The following PDE4B variants were observed in gnomAD, a reference collection of about 807,000 sequenced individuals.
The protein encoded by PDE4B is phosphodiesterase 4B, also known as 3',5'-cyclic-AMP phosphodiesterase 4B.
A neutral mutation model predicts 82.2 loss-of-function variants in PDE4B; 20 were observed. That is an observed-to-expected ratio of 0.24 (90% CI 0.17 to 0.35). The LOEUF (loss-of-function observed/expected upper bound fraction) is 0.35. Among genes scored for constraint, PDE4B ranks in the 10% least tolerant of loss-of-function variants. The pLI, the probability that PDE4B is intolerant of heterozygous loss-of-function variation, is 1.00. For synonymous variants in PDE4B, 320 were observed against 318.9 expected, an observed-to-expected ratio of 1.00 and a Z score of -0.04; for missense variants, 655 against 907.2, an observed-to-expected ratio of 0.72 and a Z score of 3.57.
At chr1:65,818,733 C>G (rs898513191) in intron 1 of PDE4B, among the ~76,000 whole-genome samples, 3 of 148,308 alleles carry the variant, frequency 2.0e-5, no homozygotes, top group Non-Finnish European at 4.5e-5. Flanking sequence ...AATACATTGC[C>G]TTTTAAAATC....
intron 3 of PDE4B, among the ~76,000 whole-genome samples, chr1:65,954,187 G>A (rs1266893442): frequency 6.6e-6 from 1 of 152,112 alleles, no homozygotes; most frequent in Non-Finnish European, 1.5e-5. Flanking sequence ...GTGAGCCACT[G>A]TGCCTGGCCT....
intron 3 of PDE4B, among the ~76,000 whole-genome samples, chr1:66,233,901 G>A (rs4655829): frequency 0.16 from 23,634 of 151,974 alleles, 4,000 homozygotes; most frequent in African/African-American, 0.4. Context: ...CTCTTCATAT[G>A]TTATTAGATT....
At chr1:65,890,993 A>G (rs1301386900) in intron 1 of PDE4B, among the ~76,000 whole-genome samples, 1 of 152,100 alleles carries the variant, frequency 6.6e-6, no homozygotes, top group East Asian at 1.9e-4. Context: ...ACCTACCTGT[A>G]CTAAGCCTCA....
intron 3 of PDE4B, among the ~76,000 whole-genome samples, chr1:65,971,238 C>A (rs1221701686): frequency 6.6e-6 from 1 of 151,890 alleles, no homozygotes; most frequent in African/African-American, 2.4e-5. Flanking sequence ...AGATAGGTGA[C>A]TAATTTTTGT....
intron 3 of PDE4B, among the ~76,000 whole-genome samples, chr1:66,231,136 A>G (rs1030851742): frequency 2.0e-5 from 3 of 152,206 alleles, no homozygotes; most frequent in South Asian, 2.1e-4. Context: ...GATTCAGAAT[A>G]TAATTTTTTA....
chr1:65,907,347 A>G (rs1365836789), intron 1 of PDE4B, among the ~76,000 whole-genome samples: 1 of 151,806 alleles, frequency 6.6e-6, no homozygotes, highest in African/African-American at 2.4e-5. Flanking sequence ...GTTGTTTTTT[A>G]TAGTTTGTGT....
At chr1:66,117,806 A>G (rs779891093) in intron 3 of PDE4B, among the ~76,000 whole-genome samples, 4 of 152,156 alleles carry the variant, frequency 2.6e-5, no homozygotes, top group African/African-American at 4.8e-5. Context: ...TAAAAAGAGG[A>G]TGCATATGAA....
intron 3 of PDE4B, among the ~76,000 whole-genome samples, chr1:66,098,652 C>T (rs185782485): frequency 4.6e-5 from 7 of 152,138 alleles, no homozygotes; most frequent in Non-Finnish European, 1.0e-4. Context: ...CCAAGTAAAA[C>T]CCAGTTAGAA....
chr1:65,941,312 A>G (rs1229455292), intron 3 of PDE4B, among the ~76,000 whole-genome samples: 1 of 152,002 alleles, frequency 6.6e-6, no homozygotes, highest in African/African-American at 2.4e-5. Flanking sequence ...GCTCTCAGAA[A>G]CTCATAATCT....
chr1:65,878,723 G>A (rs572795939), intron 1 of PDE4B, among the ~76,000 whole-genome samples: 1 of 151,974 alleles, frequency 6.6e-6, no homozygotes. Flanking sequence ...ACACACCAGA[G>A]CCTGTTGGGG....
intron 6 of PDE4B, among the ~76,000 whole-genome samples, chr1:66,264,833 C>T (rs1052361287): frequency 3.3e-5 from 5 of 152,204 alleles, no homozygotes; most frequent in African/African-American, 7.2e-5. Context: ...AATTTGGCTT[C>T]GTTCTCACGC....
At chr1:66,057,211 C>T (rs1404268614) in intron 3 of PDE4B, among the ~76,000 whole-genome samples, 1 of 152,160 alleles carries the variant, frequency 6.6e-6, no homozygotes. Flanking sequence ...ACTTAGTATA[C>T]ACCAAGTGCT....
intron 3 of PDE4B, among the ~76,000 whole-genome samples, chr1:65,960,290 C>G (rs530516979): frequency 6.6e-6 from 1 of 151,742 alleles, no homozygotes; most frequent in African/African-American, 2.4e-5. Flanking sequence ...TCCAAGAAGC[C>G]CAAGGCACTA....
chr1:66,342,723 T>G (rs922777932), intron 8 of PDE4B, among the ~76,000 whole-genome samples: 2 of 127,760 alleles, frequency 1.6e-5, no homozygotes, highest in African/African-American at 6.2e-5. Flanking sequence ...AGAGTGAAAC[T>G]CCATCTCAAA....
At chr1:65,825,774 T>G (rs1317053176) in intron 1 of PDE4B, among the ~76,000 whole-genome samples, 1 of 151,412 alleles carries the variant, frequency 6.6e-6, no homozygotes, top group Non-Finnish European at 1.5e-5. Flanking sequence ...ATTCTCTTGG[T>G]GAGTTTTCTG....
chr1:66,206,373 G>A (rs574660452), intron 3 of PDE4B, among the ~76,000 whole-genome samples: 82 of 152,186 alleles, frequency 5.4e-4, no homozygotes, highest in African/African-American at 1.8e-3. Context: ...TCTAGCGGGG[G>A]GATACAGCCT....
At position 65,803,136 on chromosome 1, in the gene PDE4B, C is replaced by A. The variant is rs543609645; in HGVS notation, c.-71+9888C>A. The stretch of plus-strand genomic sequence containing the variant: ...TTGCTATACTCATTCAAGATATTGA[C>A]AAAAATATCCTTCATAATTGAAGGT... On this transcript the variant is annotated intron_variant, in intron 1 of 16. Coordinates refer to ENST00000341517, the MANE Select transcript of PDE4B (RefSeq NM_002600.4). 1.5e-3 allele frequency among the ~76,000 whole-genome samples: 225 copies of A among 152,180 alleles called. 1 individual carries two copies. The highest frequency in any genetic ancestry group is 2.8e-3 in the Non-Finnish European group (193 of 67,992).
chr1:66,220,929 A>G (rs1360374873), intron 3 of PDE4B, among the ~76,000 whole-genome samples: 1 of 152,184 alleles, frequency 6.6e-6, no homozygotes, highest in Non-Finnish European at 1.5e-5. Flanking sequence ...CAGACATATT[A>G]TTTTTACTGC....
intron 3 of PDE4B, among the ~76,000 whole-genome samples, chr1:66,147,200 A>G (rs573899864): frequency 2.0e-5 from 3 of 152,336 alleles, no homozygotes; most frequent in South Asian, 2.1e-4. Context: ...TCAGTCAAAG[A>G]CCATTTTCAA....
Sources: gnomAD v4.1 joint callset for allele counts (sites outside exome capture counted in the v4.1 genomes callset) on GRCh38, gnomAD v4.1.1 for gene constraint, MANE v1.5 for transcripts, NCBI Gene and HGNC (gene_info 2026-07-23, HGNC 2026-07-21) for gene names.